The following CCM2L variants were observed in gnomAD, a reference collection of about 807,000 sequenced individuals.
CCM2L encodes cerebral cavernous malformations 2 protein-like.
Under a neutral mutation model 54.1 loss-of-function variants are expected in CCM2L, and 36 were observed. The ratio of observed to expected loss-of-function variants is 0.67; its 90% CI spans 0.51 to 0.88. The LOEUF is 0.88. CCM2L is among the 40% of genes least tolerant of loss of function. CCM2L has a pLI of 0.00. For synonymous variants in CCM2L, 351 were observed against 359.3 expected (o/e 0.98, Z 0.26); for missense variants, 700 against 812.1 (o/e 0.86, Z 1.68).
At position 32,022,691 on chromosome 20, in the gene CCM2L, G is replaced by C. The variant is rs747897288; in HGVS notation, c.965G>C (p.Cys322Ser). The change falls in exon 6 of 10, where the codon TGT becomes TCT. Residue 322 changes from cysteine to serine, a missense_variant. Cys to Ser is a moderately radical substitution (Grantham distance 112, BLOSUM62 -1). Transcript: ENST00000452892. ...GCAGAGGAGTCCTGCGCACTCATCTGTCAGGTCTTCCAGATCATCTACGGG... is the reference window on the plus strand; with the variant it reads ...GCAGAGGAGTCCTGCGCACTCATCTCTCAGGTCTTCCAGATCATCTACGGG... ...DAAEESCALICQVFQIIYGDQ... is the reference protein window; with the variant it reads ...DAAEESCALISQVFQIIYGDQ... 1 of 1,614,192 alleles carries C rather than the reference G, an allele frequency of 6.2e-7. No homozygotes were observed. The highest frequency in any genetic ancestry group is 8.5e-7 in the Non-Finnish European group (1 of 1,180,044).
rs2064926433 is a variant in CCM2L at position 32,031,397 on chromosome 20, C to G, written c.*83C>G. The G allele has an allele frequency of 4.4e-6, 5 of 1,131,672 alleles. No homozygotes were observed. The South Asian group carries it at 7.7e-5, about 17-fold the overall frequency. 70.1% of individuals were successfully genotyped at this position (1,131,672 alleles called of 1,614,324 possible). ...TCGGGGACCCTATCCCCAGGGCCCC[C>G]CCATCACACCTGGCGGGGCCGGGGG... On this transcript the variant is annotated 3_prime_UTR_variant, in exon 10 of 10. Coordinates refer to ENST00000452892, the MANE Select transcript of CCM2L (RefSeq NM_001365692.1).
At chr20:32,019,579 A>T (rs1264659693) in intron 5 of CCM2L, among the ~76,000 whole-genome samples, 170 bp downstream of exon 5, 2 of 150,700 alleles carry the variant, frequency 1.3e-5, no homozygotes, top group Non-Finnish European at 3.0e-5. Context: ...CCTCCAGGGC[A>T]TCTCCCCTTG....
intron 2 of CCM2L, 142 bp from the exon 3 acceptor site, chr20:32,017,658 C>G: frequency 1.3e-6 from 1 of 754,764 alleles, no homozygotes; most frequent in East Asian, 2.5e-5. Context: ...CTATTAAGGG[C>G]TCAGTAAAAG....
Position 32,031,456 on chromosome 20 carries a change from G to A in CCM2L, c.*142G>A. ...TCCAGGGTCTCGCTCCCTGCCCTTG[G>A]GGCCCGGGGCCATGCAGTACCTGGA... On this transcript the variant is annotated 3_prime_UTR_variant, in exon 10 of 10. Transcript: ENST00000452892. 1 of 602,974 alleles carries A rather than the reference G, an allele frequency of 1.7e-6. No homozygotes were observed. The highest frequency in any genetic ancestry group is 2.4e-6 in the Non-Finnish European group (1 of 410,268). 37.4% of individuals were successfully genotyped at this position (602,974 alleles called of 1,614,324 possible).
chr20:32,019,641 C>A (rs1330918171), intron 5 of CCM2L, among the ~76,000 whole-genome samples: 1 of 152,176 alleles, frequency 6.6e-6, no homozygotes, highest in Non-Finnish European at 1.5e-5. Context: ...CTAGATCTAA[C>A]CTCCAGCCCG....
At chr20:32,011,895 C>T (rs1221553252) in intron 1 of CCM2L, among the ~76,000 whole-genome samples, 3 of 151,568 alleles carry the variant, frequency 2.0e-5, no homozygotes, top group Non-Finnish European at 4.4e-5. Flanking sequence ...AAAATACTTA[C>T]CCCTCCCCAC....
chr20:32,017,074 G>A lies in CCM2L; in HGVS notation c.199-726G>A, dbSNP rs1214682140. Among the ~76,000 whole-genome samples the A allele has an allele frequency of 5.3e-5, 8 of 152,160 alleles. No individual in the cohort carries two copies. In the East Asian group the frequency reaches 1.5e-3, roughly 29 times the overall value. ...GAGGCAGGAGAATCGCTTGAACCCGGGAGGCAGAGCTTGCAGTGAGCTGAT... is the reference window on the plus strand; with the variant it reads ...GAGGCAGGAGAATCGCTTGAACCCGAGAGGCAGAGCTTGCAGTGAGCTGAT... On this transcript the variant is annotated intron_variant, in intron 2 of 9. Coordinates refer to ENST00000452892, the MANE Select transcript of CCM2L (RefSeq NM_001365692.1).
intron 6 of CCM2L, 45 bp from the exon 7 acceptor site, chr20:32,025,811 C>T: frequency 7.8e-7 from 1 of 1,279,718 alleles, no homozygotes; most frequent in Admixed American, 2.3e-5. Flanking sequence ...GGATGCTGAT[C>T]CCTGCTTTGC....
intron 5 of CCM2L, among the ~76,000 whole-genome samples, chr20:32,021,538 T>C (rs2064807309): frequency 6.6e-6 from 1 of 152,042 alleles, no homozygotes; most frequent in Non-Finnish European, 1.5e-5. Flanking sequence ...GTGCCTGTCA[T>C]GCAGCTACTC....
chr20:32,011,684 G>A (rs910602141), intron 1 of CCM2L, among the ~76,000 whole-genome samples: 22 of 152,166 alleles, frequency 1.4e-4, no homozygotes, highest in Middle Eastern at 3.4e-3. Context: ...AGTTTGAGTC[G>A]AGAACTGACG....
At chr20:32,013,315 A>T (rs1309482412) in intron 1 of CCM2L, among the ~76,000 whole-genome samples, 1 of 152,196 alleles carries the variant, frequency 6.6e-6, no homozygotes, top group Non-Finnish European at 1.5e-5. Context: ...ATTAAAAAAT[A>T]AAAAATTTTA....
chr20:32,014,182 C>T (rs921459060), intron 1 of CCM2L, among the ~76,000 whole-genome samples: 102 of 150,850 alleles, frequency 6.8e-4, no homozygotes, highest in Middle Eastern at 3.5e-3. Flanking sequence ...ACCACCACTC[C>T]ACCACATTGA....
At chr20:32,014,193 A>G (rs541548034) in intron 1 of CCM2L, among the ~76,000 whole-genome samples, 56 of 150,296 alleles carry the variant, frequency 3.7e-4, no homozygotes, top group Non-Finnish European at 7.4e-4. Context: ...ACCACATTGA[A>G]TCCTAATCTA....
chr20:32,028,952 G>A (rs757154453), intron 7 of CCM2L, 43 bp from the exon 8 acceptor site: 79 of 1,611,224 alleles, frequency 4.9e-5, no homozygotes, highest in Admixed American at 1.5e-4. Context: ...AGGGCCAGGA[G>A]CTGGAGGGAG....
chr20:32,018,369 A>C (rs2064762509), intron 4 of CCM2L, among the ~76,000 whole-genome samples: 1 of 152,162 alleles, frequency 6.6e-6, no homozygotes, highest in Admixed American at 6.5e-5. Context: ...CTGGGAAAGC[A>C]GACAGGGCCT....
intron 1 of CCM2L, among the ~76,000 whole-genome samples, chr20:32,014,277 T>TTTTTTA (rs2064719611): frequency 7.2e-6 from 1 of 138,534 alleles, no homozygotes; most frequent in African/African-American, 2.7e-5. Flanking sequence ...TTTTTTTTTT[T>TTTTTTA]GAGACAGAGT....
chr20:32,030,080 GC>G (rs2064907020), intron 9 of CCM2L, among the ~76,000 whole-genome samples: 1 of 152,170 alleles, frequency 6.6e-6, no homozygotes, highest in African/African-American at 2.4e-5. Context: ...CATCCTCACA[GC>G]AAAGCTGCGA....
chr20:32,027,345 T>C (rs1440428522), intron 7 of CCM2L, among the ~76,000 whole-genome samples: 3 of 152,280 alleles, frequency 2.0e-5, no homozygotes, highest in Admixed American at 2.0e-4. Context: ...ACCAGATATC[T>C]ACTGAAGAGA....
Position 32,031,016 on chromosome 20 carries a change from TC to T in CCM2L, c.1421del (p.Pro474ArgfsTer34). On this transcript the variant is annotated frameshift_variant, in exon 10 of 10. Transcript: ENST00000452892. LOFTEE classifies it high-confidence loss of function. ...CGGCTCGCAGGGATGCGGCCCTTCA[TC>T]CCGGACCAGGACATCGGCTACTTCG... ...KFLLLGMRPF[I>X]PDQDIGYFEG... 7.7e-7 allele frequency: 1 copy of T among 1,304,108 alleles called. No homozygotes were observed. The highest frequency in any genetic ancestry group is 1.2e-5 in the South Asian group (1 of 81,020). The allele number at this position is 1,304,108 out of a possible 1,614,324, so 80.8% of individuals were successfully genotyped here.
Sources: gnomAD v4.1 joint callset for allele counts (sites outside exome capture counted in the v4.1 genomes callset) on GRCh38, gnomAD v4.1.1 for gene constraint, MANE v1.5 for transcripts, NCBI Gene and HGNC (gene_info 2026-07-23, HGNC 2026-07-21) for gene names.